The following CCND2 variants were observed in gnomAD, a reference collection of about 807,000 sequenced individuals.
The protein encoded by CCND2 is G1/S-specific cyclin-D2.
In CCND2, 6 loss-of-function variants were observed where a neutral mutation model predicts 30.2. The ratio of observed to expected loss-of-function variants is 0.20; its 90% CI spans 0.11 to 0.39. CCND2 has a LOEUF of 0.39. CCND2 is among the 10% of genes least tolerant of loss of function. CCND2 has a pLI of 1.00. For synonymous variants in CCND2, 150 were observed against 153.1 expected, an observed-to-expected ratio of 0.98 and a Z score of 0.15; for missense variants, 235 against 373.4, an observed-to-expected ratio of 0.63 and a Z score of 3.06.
intron 4 of CCND2, among the ~76,000 whole-genome samples, chr12:4,292,020 GT>G (rs1864107662): frequency 6.6e-6 from 1 of 152,144 alleles, no homozygotes; most frequent in East Asian, 1.9e-4. Context: ...AAACAATTCT[GT>G]AGATGGAGAG....
chr12:4,292,466 G>A (rs944881442), intron 4 of CCND2, among the ~76,000 whole-genome samples: 1 of 152,116 alleles, frequency 6.6e-6, no homozygotes, highest in Non-Finnish European at 1.5e-5. Context: ...GGATCGAGCT[G>A]TGGAAAGAGG....
intron 4 of CCND2, among the ~76,000 whole-genome samples, chr12:4,289,774 A>G (rs1239617539): frequency 6.6e-6 from 1 of 152,170 alleles, no homozygotes; most frequent in Non-Finnish European, 1.5e-5. Context: ...CAGAGAGGCC[A>G]TTCCTTCGTT....
chr12:4,281,304 G>A (rs900410396), intron 3 of CCND2, among the ~76,000 whole-genome samples: 5 of 152,182 alleles, frequency 3.3e-5, no homozygotes, highest in African/African-American at 7.2e-5. Context: ...TCCTGGCTGC[G>A]TGGAGTTTTA....
In CCND2 at chr12:4,303,118, A is replaced by AG. The variant is rs1864273193; in HGVS notation, c.*3112dup. ...AATGAAAGAACCGGACAAATAAGGA[A>AG]GGGCACAAGCCTACCCGACTCTATT... On this transcript the variant is annotated 3_prime_UTR_variant, in exon 5 of 5. Coordinates refer to ENST00000261254, the MANE Select transcript of CCND2 (RefSeq NM_001759.4). This position sits in a 1 kb window ranked among gnomAD's most constrained non-coding sequence, Gnocchi z 4.6. 1 of 233,196 alleles carries AG rather than the reference A, an allele frequency of 4.3e-6. No individual in the cohort carries two copies. The highest frequency in any genetic ancestry group is 2.2e-5 in the African/African-American group (1 of 45,344). The allele number at this position is 233,196 out of a possible 1,614,324, so 14.4% of individuals were successfully genotyped here. A position where few individuals can be genotyped will look rare whatever the true frequency, so the allele number is the denominator to read the frequency against.
chr12:4,298,921 G>C (rs1864210431), intron 4 of CCND2, among the ~76,000 whole-genome samples: 1 of 152,192 alleles, frequency 6.6e-6, no homozygotes, highest in African/African-American at 2.4e-5. Context: ...CTACAATATA[G>C]ACTGATACTA....
At chr12:4,292,141 G>T (rs1463296424) in intron 4 of CCND2, among the ~76,000 whole-genome samples, 1 of 151,976 alleles carries the variant, frequency 6.6e-6, no homozygotes, top group Non-Finnish European at 1.5e-5. Context: ...AAATGTGTGT[G>T]TGTATATATG....
At chr12:4,286,839 G>A (rs959266228) in intron 3 of CCND2, among the ~76,000 whole-genome samples, 3 of 152,334 alleles carry the variant, frequency 2.0e-5, no homozygotes, top group East Asian at 1.9e-4. Flanking sequence ...TGTGCTTCCC[G>A]GTCTGAGGCC....
rs1030524272 is a variant in CCND2, at chr12:4,303,456, T to C, written c.*3447T>C. On this transcript the variant is annotated 3_prime_UTR_variant, in exon 5 of 5. Transcript: ENST00000261254. This position sits in a 1 kb window ranked among gnomAD's most constrained non-coding sequence, Gnocchi z 4.6. ...TTTTCTTACCTCCCACTAAAGGGGT[T>C]CCAAATTATCCTGGTCTTTTTCTAC... is the stretch of plus-strand genomic sequence containing the variant. The C allele has an allele frequency of 4.3e-6, 1 of 233,518 alleles. No homozygotes were observed. The highest frequency in any genetic ancestry group is 2.2e-5 in the African/African-American group (1 of 45,346). The allele number at this position is 233,518 out of a possible 1,614,324, so 14.5% of individuals were successfully genotyped here. A position where few individuals can be genotyped will look rare whatever the true frequency, so the allele number is the denominator to read the frequency against.
In CCND2 at chr12:4,299,677, A is replaced by G. The variant is rs570712710; in HGVS notation, c.721-183A>G. On this transcript the variant is annotated intron_variant, in intron 4 of 4. Transcript: ENST00000261254. The surrounding 1 kb of genome is among the most constrained non-coding windows in gnomAD (Gnocchi z 5.2). ...CAGGTGATGCTGATGCTGCCAGCCCATGGACCCCACCTGGAGTAGTGAGGT... is the reference window on the plus strand; with the variant it reads ...CAGGTGATGCTGATGCTGCCAGCCCGTGGACCCCACCTGGAGTAGTGAGGT... 2.6e-5 allele frequency among the ~76,000 whole-genome samples: 4 copies of G among 152,336 alleles called. No individual in the cohort carries two copies. The highest frequency in any genetic ancestry group is 9.6e-5 in the African/African-American group (4 of 41,592).
Position 4,276,086 on chromosome 12 carries a change from A to T in CCND2, c.277A>T (p.Thr93Ser), listed in dbSNP as rs1189680723. The T allele has an allele frequency of 6.2e-7, 1 of 1,611,834 alleles. No homozygotes were observed. Among genetic ancestry groups the T allele is most frequent in the Admixed American group, 1.7e-5 (1 of 59,756 alleles). ...YLDRFLAGVPTPKSHLQLLGA... is the reference protein window; with the variant it reads ...YLDRFLAGVPSPKSHLQLLGA... ...GGACCGTTTCTTGGCTGGGGTCCCG[A>T]CTCCGAAGTCCCATCTGCAACTCCT... The change falls in exon 2 of 5, where the codon ACT becomes TCT. Residue 93 changes from threonine to serine, a missense_variant. Around this residue, in one of 2 missense-constraint regions of CCND2, gnomAD observed 178 missense variants for 322.8 expected, o/e 0.55. Transcript: ENST00000261254. The surrounding 1 kb of genome is among the most constrained non-coding windows in gnomAD (Gnocchi z 4.8).
At chr12:4,291,679 C>T (rs1006149301) in intron 4 of CCND2, among the ~76,000 whole-genome samples, 1 of 152,132 alleles carries the variant, frequency 6.6e-6, no homozygotes, top group African/African-American at 2.4e-5. Context: ...CGTAGAATGC[C>T]GGCCTCCCAG....
rs1426921303 is a variant in CCND2 at position 4,276,936 on chromosome 12, C to T, written c.411+716C>T. Among the ~76,000 whole-genome samples the T allele has an allele frequency of 1.3e-5, 2 of 152,228 alleles. No individual in the cohort carries two copies. Among genetic ancestry groups the T allele is most frequent in the East Asian group, 3.8e-4 (2 of 5,204 alleles). On this transcript the variant is annotated intron_variant, in intron 2 of 4. Transcript: ENST00000261254. The surrounding 1 kb of genome is among the most constrained non-coding windows in gnomAD (Gnocchi z 4.8). ...ATTGCAGCTGTACCGCATGGAATAGCGGCTCCAAGGCCCACCTTCGGTGGT... is the reference window on the plus strand; with the variant it reads ...ATTGCAGCTGTACCGCATGGAATAGTGGCTCCAAGGCCCACCTTCGGTGGT...
At chr12:4,290,298 G>C (rs1159939672) in intron 4 of CCND2, among the ~76,000 whole-genome samples, 5 of 152,194 alleles carry the variant, frequency 3.3e-5, no homozygotes, top group Non-Finnish European at 5.9e-5. Flanking sequence ...ATAGTTCGTA[G>C]ATATGGTTTT....
intron 3 of CCND2, among the ~76,000 whole-genome samples, chr12:4,281,960 T>C (rs1304585335): frequency 9.1e-5 from 2 of 21,988 alleles, no homozygotes; most frequent in Admixed American, 1.2e-3. Context: ...ATGGGTGGGT[T>C]GGGCGGGGGA....
intron 4 of CCND2, among the ~76,000 whole-genome samples, chr12:4,291,207 C>CTGTGTGTGTGTGTGTGTGTG (rs1320194012): frequency 0.096 from 13,302 of 138,642 alleles, 868 homozygotes; most frequent in South Asian, 0.16. Flanking sequence ...CTGGGCTAGG[C>CTGTGTGTGTGTGTGTGTGTG]TGTGTGTGTG....
chr12:4,285,179 G>C lies in CCND2; in HGVS notation c.572-3663G>C, dbSNP rs1864006381. 2.3e-6 allele frequency: 1 copy of C among 433,304 alleles called. No individual in the cohort carries two copies. The highest frequency in any genetic ancestry group is 3.1e-6 in the Non-Finnish European group (1 of 325,744). 26.8% of individuals were successfully genotyped at this position (433,304 alleles called of 1,614,324 possible). On this transcript the variant is annotated intron_variant, in intron 3 of 4. Coordinates refer to ENST00000261254, the MANE Select transcript of CCND2 (RefSeq NM_001759.4). This position sits in a 1 kb window ranked among gnomAD's most constrained non-coding sequence, Gnocchi z 4.1. ...GTCTGAATATTGTACGTTTTGGGGG[G>C]AGTCCTCCATGCTGCCTGGAACAGG...
intron 3 of CCND2, among the ~76,000 whole-genome samples, chr12:4,281,800 C>T (rs561815395): frequency 9.1e-4 from 139 of 152,206 alleles, no homozygotes; most frequent in African/African-American, 3.3e-3. Flanking sequence ...GGCGAAGTGG[C>T]GGTCTTGCTT....
At position 4,301,999 on chromosome 12, in the gene CCND2, G is replaced by A. The variant is rs1864257200; in HGVS notation, c.*1990G>A. On this transcript the variant is annotated 3_prime_UTR_variant, in exon 5 of 5. Coordinates refer to ENST00000261254, the MANE Select transcript of CCND2 (RefSeq NM_001759.4). ...CAAAGACGGAGTATTCTTTACCTCA[G>A]GTTTACTGGACAAAATCAATAACTA... 9.1e-6 allele frequency: 2 copies of A among 220,336 alleles called. No homozygotes were observed. Among genetic ancestry groups the A allele is most frequent in the Non-Finnish European group, 9.0e-6 (1 of 111,300 alleles). The allele number at this position is 220,336 out of a possible 1,614,324, so 13.6% of individuals were successfully genotyped here.
rs139962207 is a variant in CCND2, at chr12:4,285,408, C to T, written c.572-3434C>T. The T allele has an allele frequency of 1.5e-4, 147 of 985,422 alleles. No individual in the cohort carries two copies. In the East Asian group the frequency reaches 0.011, roughly 71 times the overall value. 61.0% of individuals were successfully genotyped at this position (985,422 alleles called of 1,614,324 possible). ...CTTGTTGGCATTTTTGATCAAGAGA[C>T]TTAACAGACTGCTGAGAAATTTGTA... is the stretch of plus-strand genomic sequence containing the variant. On this transcript the variant is annotated intron_variant, in intron 3 of 4. Coordinates refer to ENST00000261254, the MANE Select transcript of CCND2 (RefSeq NM_001759.4). The surrounding 1 kb of genome is among the most constrained non-coding windows in gnomAD (Gnocchi z 4.1).
Sources: gnomAD v4.1 joint callset for allele counts (sites outside exome capture counted in the v4.1 genomes callset) on GRCh38, gnomAD v4.1.1 for gene constraint, gnomAD v4.1.1 regional missense constraint, Gnocchi (gnomAD v3.1) non-coding constraint, MANE v1.5 for transcripts, NCBI Gene and HGNC (gene_info 2026-07-23, HGNC 2026-07-21) for gene names.